The following RGS12 variants were observed in gnomAD, a reference collection of about 807,000 sequenced individuals.
The protein encoded by RGS12 is regulator of G-protein signaling 12.
A neutral mutation model predicts 120.1 loss-of-function variants in RGS12; 66 were observed. That is an observed-to-expected ratio of 0.55 (90% CI 0.45 to 0.67). The LOEUF (loss-of-function observed/expected upper bound fraction) is 0.67. Among genes scored for constraint, RGS12 ranks in the 30% least tolerant of loss-of-function variants. The pLI is 0.00. For synonymous variants in RGS12, 827 were observed against 804.7 expected (o/e 1.03, Z -0.47); for missense variants, 1,859 against 1,957.7 (o/e 0.95, Z 0.95).
intron 1 of RGS12, among the ~76,000 whole-genome samples, chr4:3,304,879 C>T (rs1316182354): frequency 6.6e-6 from 1 of 152,258 alleles, no homozygotes; most frequent in Admixed American, 6.5e-5. Flanking sequence ...CAGCACACTG[C>T]GTCTGTAGCT....
intron 17 of RGS12, chr4:3,431,252 C>A: frequency 7.8e-7 from 1 of 1,279,312 alleles, no homozygotes; most frequent in Non-Finnish European, 9.9e-7. Context: ...TCTGGGAACA[C>A]CCTGGGTGAG....
intron 4 of RGS12, among the ~76,000 whole-genome samples, chr4:3,410,905 G>T (rs972698793): frequency 6.6e-6 from 1 of 152,198 alleles, no homozygotes; most frequent in Admixed American, 6.5e-5. Context: ...GAGCCAGCCC[G>T]CCACCTGTGT....
At chr4:3,428,239 G>A in intron 15 of RGS12, 70 bp downstream of exon 15, 1 of 1,360,160 alleles carries the variant, frequency 7.4e-7, no homozygotes, top group Non-Finnish European at 1.1e-6. Flanking sequence ...CCTGCGCAGT[G>A]CCCTGGTGCT....
chr4:3,301,068 C>G (rs532013747), intron 1 of RGS12, among the ~76,000 whole-genome samples: 1 of 152,164 alleles, frequency 6.6e-6, no homozygotes, highest in Non-Finnish European at 1.5e-5. Flanking sequence ...CCCCGGCTGC[C>G]CTCCTCTGTA....
At position 3,310,275 on chromosome 4, in the gene RGS12, CGTGTCGGGG is replaced by C. The variant is rs1560646896; in HGVS notation, c.-101-5794_-101-5786del. Among the ~76,000 whole-genome samples, 617 of 127,548 alleles carry C rather than the reference CGTGTCGGGG, an allele frequency of 4.8e-3. 10 individuals are homozygous for C. The highest frequency in any genetic ancestry group is 0.02 in the African/African-American group (580 of 28,296). 83.7% of individuals were successfully genotyped at this position (127,548 alleles called of 152,430 possible). On this transcript the variant is annotated intron_variant, in intron 1 of 17. Transcript: ENST00000336727. ...ATGGCAGGTGTCCTCTGAGGGGAAC[CGTGTCGGGG>C]AGGAGCTGGGACCCGGGAAATGGCA... is the stretch of plus-strand genomic sequence containing the variant.
At chr4:3,373,069 A>G (rs893406140) in intron 3 of RGS12, among the ~76,000 whole-genome samples, 12 of 152,302 alleles carry the variant, frequency 7.9e-5, no homozygotes, top group African/African-American at 2.9e-4. Context: ...GGCTCGAGGC[A>G]GACAGACGCT....
chr4:3,290,691 C>G (rs930096460), upstream of RGS12, among the ~76,000 whole-genome samples: 1 of 152,236 alleles, frequency 6.6e-6, no homozygotes, highest in Non-Finnish European at 1.5e-5. Context: ...CACGGAAGAG[C>G]AGGTGCACGC....
chr4:3,429,794 G>C (rs1724050490), intron 16 of RGS12, among the ~76,000 whole-genome samples: 1 of 152,228 alleles, frequency 6.6e-6, no homozygotes, highest in Non-Finnish European at 1.5e-5. Flanking sequence ...TCAGTGCGGA[G>C]AGGGAGAGCA....
chr4:3,414,649 G>GCT, intron 5 of RGS12, 103 bp from the exon 6 acceptor site: 1 of 827,322 alleles, frequency 1.2e-6, no homozygotes, highest in South Asian at 1.5e-5. Flanking sequence ...CCCTCGGGCA[G>GCT]CTCACTGAGC....
intron 2 of RGS12, among the ~76,000 whole-genome samples, chr4:3,325,420 T>G (rs1318719586): frequency 2.0e-5 from 3 of 152,126 alleles, no homozygotes; most frequent in African/African-American, 7.2e-5. Flanking sequence ...GGTGATTAGG[T>G]CATGAGGACT....
chr4:3,405,418 A>G (rs1430368955), intron 4 of RGS12, among the ~76,000 whole-genome samples: 1 of 152,206 alleles, frequency 6.6e-6, no homozygotes, highest in Non-Finnish European at 1.5e-5. Context: ...GCCAAGCCCA[A>G]ACTGAGGGGC....
chr4:3,423,627 C>T lies in RGS12; in HGVS notation c.3220C>T (p.Leu1074=), dbSNP rs1723276755. 5.6e-6 allele frequency: 9 copies of T among 1,608,958 alleles called. No individual in the cohort carries two copies. Among genetic ancestry groups the T allele is most frequent in the Non-Finnish European group, 7.6e-6 (9 of 1,179,516 alleles). ...VARYGLDLSG[L]LVRLSGEKEP... ...CAGATACGGCCTGGACCTCAGTGGC[C>T]TGCTGGTGAGGCTGGTGAGTGTTGC... Residue 1074 remains leucine (L), a synonymous_variant, in exon 13 of 18, where the codon CTG becomes TTG. Transcript: ENST00000336727.
intron 2 of RGS12, among the ~76,000 whole-genome samples, chr4:3,341,061 T>A (rs2108768093): frequency 6.6e-6 from 1 of 150,476 alleles, no homozygotes; most frequent in South Asian, 2.1e-4. Flanking sequence ...AGTGGTGGCG[T>A]CCCTCCCCGA....
intron 3 of RGS12, among the ~76,000 whole-genome samples, chr4:3,346,903 T>C (rs1406141883): frequency 6.6e-6 from 1 of 152,158 alleles, no homozygotes; most frequent in Non-Finnish European, 1.5e-5. Flanking sequence ...GGGTATTCTA[T>C]GCACGTTCTC....
chr4:3,436,581 C>T (rs1045573498), intron 17 of RGS12, among the ~76,000 whole-genome samples: 10 of 152,170 alleles, frequency 6.6e-5, no homozygotes, highest in Admixed American at 4.6e-4. Context: ...GCCCCTGCCC[C>T]GGCCAGGCCA....
upstream of RGS12, chr4:3,292,936 G>C (rs1317902180): frequency 4.3e-5 from 4 of 93,554 alleles, no homozygotes; most frequent in African/African-American, 1.2e-4. Context: ...CCTTGGCCCC[G>C]CCTCACCAGG....
upstream of RGS12, among the ~76,000 whole-genome samples, chr4:3,290,506 T>C (rs577028009): frequency 6.6e-6 from 1 of 152,364 alleles, no homozygotes; most frequent in South Asian, 2.1e-4. Flanking sequence ...CTTAGCATAG[T>C]GTCCTCAAGG....
At position 3,362,806 on chromosome 4, in the gene RGS12, AGAGT is replaced by A. The variant is rs542401589; in HGVS notation, c.1998+19757_1998+19760del. Among the ~76,000 whole-genome samples the A allele has an allele frequency of 7.7e-3, 1,041 of 134,532 alleles. 17 individuals carry two copies. The highest frequency in any genetic ancestry group is 0.029 in the African/African-American group (1,000 of 34,886). 88.3% of individuals were successfully genotyped at this position (134,532 alleles called of 152,430 possible). A position where few individuals can be genotyped will look rare whatever the true frequency, so the allele number is the denominator to read the frequency against. On this transcript the variant is annotated intron_variant, in intron 3 of 17. Transcript: ENST00000336727. Reference sequence around the variant, plus strand: ...GTGTGTGAGGGTGTGTGTGAATATGAGAGTGAGGGTGTGTCAGTGTGTTTGAGTG... The same window carrying A: ...GTGTGTGAGGGTGTGTGTGAATATGAGAGGGTGTGTCAGTGTGTTTGAGTG...
intron 2 of RGS12, among the ~76,000 whole-genome samples, chr4:3,325,358 T>C (rs1725487333): frequency 6.6e-6 from 1 of 152,222 alleles, no homozygotes; most frequent in African/African-American, 2.4e-5. Flanking sequence ...CTGAAACTCA[T>C]GTTGAAATGT....
Sources: gnomAD v4.1 joint callset for allele counts (sites outside exome capture counted in the v4.1 genomes callset) on GRCh38, gnomAD v4.1.1 for gene constraint, MANE v1.5 for transcripts, NCBI Gene and HGNC (gene_info 2026-07-23, HGNC 2026-07-21) for gene names.